The following AVEN variants were observed in gnomAD, a reference collection of about 807,000 sequenced individuals.
AVEN encodes cell death regulator Aven.
AVEN carries 41 observed loss-of-function variants against 38.1 expected under a neutral mutation model. That is an observed-to-expected ratio of 1.08 (90% confidence interval 0.84 to 1.40). The LOEUF is 1.40. Ranked by LOEUF, AVEN falls within the 40% of genes most tolerant of loss-of-function variation. The pLI is 0.00. For synonymous variants in AVEN, 206 were observed against 171.8 expected, an observed-to-expected ratio of 1.20 and a Z score of -1.56; for missense variants, 605 against 438.8, an observed-to-expected ratio of 1.38 and a Z score of -3.38.
chr15:33,969,025 A>G (rs1895515011), intron 2 of AVEN: 1 of 152,092 alleles, frequency 6.6e-6, no homozygotes, highest in Non-Finnish European at 1.5e-5. Context: ...ATATAAAGAC[A>G]CTGCAAGAAA....
chr15:33,940,707 A>G (rs1364848385), intron 2 of AVEN, among the ~76,000 whole-genome samples: 1 of 152,022 alleles, frequency 6.6e-6, no homozygotes, highest in African/African-American at 2.4e-5. Flanking sequence ...ACGCCCAGAT[A>G]ATTTTTGTAT....
chr15:33,886,533 A>T (rs969856973), intron 2 of AVEN, among the ~76,000 whole-genome samples: 3 of 151,982 alleles, frequency 2.0e-5, no homozygotes, highest in African/African-American at 7.2e-5. Flanking sequence ...TCGATCTCCT[A>T]ACCTCGTGAT....
intron 2 of AVEN, among the ~76,000 whole-genome samples, chr15:33,930,759 T>C (rs1202776683): frequency 6.6e-6 from 1 of 152,002 alleles, no homozygotes; most frequent in African/African-American, 2.4e-5. Context: ...ATTGAAACCA[T>C]CCTGGCTAAC....
downstream of AVEN, chr15:33,865,196 T>C (rs762392050): frequency 2.8e-5 from 45 of 1,613,588 alleles, no homozygotes; most frequent in South Asian, 4.5e-4. Context: ...GTGACTGCTT[T>C]CGTAAACAAT....
At chr15:33,891,231 T>A (rs1891942556) in intron 2 of AVEN, among the ~76,000 whole-genome samples, 1 of 152,216 alleles carries the variant, frequency 6.6e-6, no homozygotes, top group Non-Finnish European at 1.5e-5. Flanking sequence ...AACTATTTTT[T>A]AATGGTTTGT....
chr15:33,982,640 T>C (rs1311362565), intron 2 of AVEN, among the ~76,000 whole-genome samples: 2 of 152,210 alleles, frequency 1.3e-5, no homozygotes, highest in Non-Finnish European at 2.9e-5. Flanking sequence ...CTGCACTGAC[T>C]CAAAATTTTT....
the AVEN span, chr15:33,852,848 A>G: frequency 1.9e-6 from 1 of 527,084 alleles, no homozygotes; most frequent in Non-Finnish European, 3.4e-6. Flanking sequence ...TCAAAAGCCA[A>G]TACAAAGTAA....
intron 3 of AVEN, among the ~76,000 whole-genome samples, chr15:33,872,656 G>A (rs952101720): frequency 1.3e-5 from 2 of 151,754 alleles, no homozygotes; most frequent in Non-Finnish European, 2.9e-5. Context: ...TTGCTCAGCA[G>A]CCAGTATATT....
chr15:33,950,477 A>T (rs1195427282), intron 2 of AVEN, among the ~76,000 whole-genome samples: 2 of 152,210 alleles, frequency 1.3e-5, no homozygotes, highest in Non-Finnish European at 2.9e-5. Context: ...TTATATGTCA[A>T]CTATACCTCA....
chr15:33,927,111 C>T (rs1364659281), intron 2 of AVEN, among the ~76,000 whole-genome samples: 3 of 151,664 alleles, frequency 2.0e-5, no homozygotes, highest in African/African-American at 2.4e-5. Flanking sequence ...AAAAATTAGC[C>T]GGGTGTGGTG....
chr15:33,929,027 T>C (rs1246680045), intron 2 of AVEN, among the ~76,000 whole-genome samples: 2 of 152,080 alleles, frequency 1.3e-5, no homozygotes, highest in African/African-American at 4.8e-5. Context: ...GTGACAGTCA[T>C]GTGGAACAGA....
chr15:33,875,333 T>A (rs192717655), intron 3 of AVEN, among the ~76,000 whole-genome samples: 1 of 152,294 alleles, frequency 6.6e-6, no homozygotes, highest in East Asian at 1.9e-4. Context: ...AGAATATCTG[T>A]CATCTCTTAT....
chr15:33,933,239 A>G (rs913129383), intron 2 of AVEN, among the ~76,000 whole-genome samples: 1 of 152,280 alleles, frequency 6.6e-6, no homozygotes, highest in South Asian at 2.1e-4. Context: ...AGAGTGGAAT[A>G]TATTCAAAAG....
At chr15:33,935,406 G>GTAGCATTT (rs1894018659) in intron 2 of AVEN, among the ~76,000 whole-genome samples, 1 of 152,070 alleles carries the variant, frequency 6.6e-6, no homozygotes, top group South Asian at 2.1e-4. Context: ...AAGGATCTAA[G>GTAGCATTT]TAGCATTTTT....
chr15:34,015,038 C>G (rs1223615321), intron 1 of AVEN, among the ~76,000 whole-genome samples: 2 of 152,074 alleles, frequency 1.3e-5, no homozygotes. Flanking sequence ...GTCCTGAAGC[C>G]TGAAAAGCTG....
intron 11 of AVEN, among the ~76,000 whole-genome samples, chr15:33,860,816 T>TG (rs1306647886): frequency 1.3e-5 from 2 of 150,818 alleles, no homozygotes; most frequent in Non-Finnish European, 2.9e-5. Flanking sequence ...GCCATACCCC[T>TG]GCCAGGCCGG....
chr15:34,013,834 C>A (rs1160608566), intron 1 of AVEN, among the ~76,000 whole-genome samples: 3 of 152,072 alleles, frequency 2.0e-5, no homozygotes, highest in Non-Finnish European at 4.4e-5. Context: ...AGAGTATGTA[C>A]GAGGACCCAT....
At chr15:34,035,374 T>C (rs1029728280) in intron 1 of AVEN, among the ~76,000 whole-genome samples, 3 of 152,058 alleles carry the variant, frequency 2.0e-5, no homozygotes, top group Non-Finnish European at 4.4e-5. Flanking sequence ...CATACTAACA[T>C]ATCAGTTAAA....
chr15:33,995,908 G>C (rs1236198803), intron 2 of AVEN, among the ~76,000 whole-genome samples: 1 of 152,226 alleles, frequency 6.6e-6, no homozygotes, highest in African/African-American at 2.4e-5. Context: ...CAAGGGGTCA[G>C]GGGATTTCCC....
Sources: allele counts gnomAD v4.1 joint callset (sites outside exome capture counted in the v4.1 genomes callset), GRCh38; gene constraint gnomAD v4.1.1; transcripts MANE v1.5; gene names NCBI Gene and HGNC (gene_info 2026-07-23, HGNC 2026-07-21).